TPM1: variants seen among roughly 807,000 people sequenced by gnomAD.
TPM1 encodes tropomyosin alpha-1 chain.
Under a neutral mutation model 42.9 loss-of-function variants are expected in TPM1, and 24 were observed. The observed-to-expected ratio is 0.56, with a 90% CI of 0.41 to 0.79. The LOEUF (loss-of-function observed/expected upper bound fraction) is 0.79. Among genes scored for constraint, TPM1 ranks in the 30% least tolerant of loss-of-function variants. The pLI, the probability that TPM1 is intolerant of heterozygous loss-of-function variation, is 0.00. For missense variants in TPM1, 158 were observed against 351.8 expected (o/e 0.45, Z 4.41); for synonymous variants, 136 against 130.1 (o/e 1.05, Z -0.31).
At position 63,057,103 on chromosome 15, in the gene TPM1, C is replaced by T; in HGVS notation, c.359C>T (p.Ala120Val). 6.2e-7 allele frequency: 1 copy of T among 1,614,144 alleles called. No homozygotes were observed. Among genetic ancestry groups the T allele is most frequent in the Non-Finnish European group, 8.5e-7 (1 of 1,180,012 alleles). The change falls in exon 3 of 10, where the codon GCA (alanine) becomes GTA (valine). Residue 120 changes from alanine to valine, a missense_variant. Physicochemically the swap from Ala to Val is moderately conservative, Grantham distance 64. Transcript: ENST00000403994. Reference sequence around the variant, plus strand: ...AAGCTGGAGGAAGCTGAGAAGGCAGCAGATGAGAGTGAGAGGTGAGAATGC... The same window carrying T: ...AAGCTGGAGGAAGCTGAGAAGGCAGTAGATGAGAGTGAGAGGTGAGAATGC... Reference protein sequence around the residue: ...LQKLEEAEKAADESERGMKVI... With the variant: ...LQKLEEAEKAVDESERGMKVI...
chr15:63,070,117 G>A, downstream of TPM1: 1 of 1,484,488 alleles, frequency 6.7e-7, no homozygotes, highest in Non-Finnish European at 8.9e-7. Flanking sequence ...CTATATGGCT[G>A]GAATAATTAC....
intron 1 of TPM1, 141 bp from the exon 2 acceptor site, chr15:63,043,886 C>G: frequency 1.3e-6 from 2 of 1,550,790 alleles, no homozygotes; most frequent in Non-Finnish European, 1.7e-6. Flanking sequence ...CTTTCTCTTT[C>G]TCTCTCTCCC....
intron 2 of TPM1, among the ~76,000 whole-genome samples, chr15:63,050,891 C>T (rs2033719915): frequency 6.6e-6 from 1 of 152,208 alleles, no homozygotes; most frequent in Admixed American, 6.5e-5. Flanking sequence ...CCATGAGCCA[C>T]TGCAAAAAAT....
downstream of TPM1, among the ~76,000 whole-genome samples, chr15:63,067,119 T>A (rs2036323917): frequency 6.6e-6 from 1 of 152,164 alleles, no homozygotes; most frequent in Admixed American, 6.5e-5. Flanking sequence ...TTTTTTAACA[T>A]GGATGATCTG....
At chr15:63,050,095 A>C (rs889359297) in intron 2 of TPM1, among the ~76,000 whole-genome samples, 1 of 152,204 alleles carries the variant, frequency 6.6e-6, no homozygotes, top group African/African-American at 2.4e-5. Flanking sequence ...CTGTCGGTTA[A>C]AGGAGTTACT....
At chr15:63,048,361 C>G (rs1372892648) in intron 2 of TPM1, 9 of 1,283,242 alleles carry the variant, frequency 7.0e-6, no homozygotes, top group African/African-American at 4.8e-5. Context: ...CGCGCCCCTC[C>G]CAGCCGCGCG....
chr15:63,053,672 G>C (rs1431034492), intron 2 of TPM1, among the ~76,000 whole-genome samples: 1 of 110,196 alleles, frequency 9.1e-6, no homozygotes, highest in African/African-American at 3.5e-5. Flanking sequence ...CTGGAAGTTT[G>C]ATTTTTTTTT....
chr15:63,056,869 A>C lies in TPM1; in HGVS notation c.241-116A>C, dbSNP rs1020968473. ...GAGGGCTTGTAATGCACTTAAAGGT[A>C]GCTCACCACAAGACAGTCTTCCTAT... On this transcript the variant is annotated intron_variant, in intron 2 of 9. Coordinates refer to ENST00000403994, the MANE Select transcript of TPM1 (RefSeq NM_001018005.2). 5.7e-6 allele frequency: 8 copies of C among 1,392,956 alleles called. No individual in the cohort carries two copies. The African/African-American group carries it at 8.5e-5, about 15-fold the overall frequency. The allele number at this position is 1,392,956 out of a possible 1,614,324, so 86.3% of individuals were successfully genotyped here.
chr15:63,068,625 G>A (rs772201896), downstream of TPM1, among the ~76,000 whole-genome samples: 5 of 152,112 alleles, frequency 3.3e-5, no homozygotes, highest in Non-Finnish European at 7.4e-5. Flanking sequence ...CAAAGCCACC[G>A]TGCATCCTCC....
rs766724527 is a variant in TPM1, at chr15:63,065,891, C to T, written c.852-5C>T. ...TTTTCCTCCCACCTTTTTATCTTCA[C>T]GCAGATAAGTTTCTTTGCTTCACTT... On this transcript the variant is annotated splice_polypyrimidine_tract_variant and splice_region_variant and intron_variant, in intron 9 of 9. Coordinates refer to ENST00000403994, the MANE Select transcript of TPM1 (RefSeq NM_001018005.2). 1.0e-5 allele frequency: 16 copies of T among 1,605,728 alleles called. No homozygotes were observed. The highest frequency in any genetic ancestry group is 4.4e-5 in the South Asian group (4 of 90,422).
chr15:63,057,211 C>T, intron 3 of TPM1, 93 bp downstream of exon 3: 2 of 1,557,528 alleles, frequency 1.3e-6, no homozygotes, highest in African/African-American at 1.4e-5. Flanking sequence ...AAGAATTTTT[C>T]AGTCCCCTGG....
chr15:63,057,526 T>C (rs1418130830), intron 3 of TPM1, among the ~76,000 whole-genome samples: 1 of 152,220 alleles, frequency 6.6e-6, no homozygotes, highest in Non-Finnish European at 1.5e-5. Context: ...ATAAAGGAAC[T>C]GTGGACTATC....
chr15:63,059,618 C>T lies in TPM1; in HGVS notation c.430C>T (p.Gln144Ter), dbSNP rs1206044252. 6.2e-7 allele frequency: 1 copy of T among 1,612,174 alleles called. No homozygotes were observed. Among genetic ancestry groups the T allele is most frequent in the African/African-American group, 1.3e-5 (1 of 74,820 alleles). Residue 144 changes from glutamine (Q) to a stop codon, truncating the protein, a stop_gained, in exon 4 of 10, where the codon CAG becomes TAG. Coordinates refer to ENST00000403994, the MANE Select transcript of TPM1 (RefSeq NM_001018005.2). LOFTEE classifies it high-confidence loss of function. ...AAAAGATGAAGAAAAAATGGAAATT[C>T]AGGAGATCCAACTGAAAGAGGCCAA... ...AQKDEEKMEI[Q>*]EIQLKEAKHI...
At chr15:63,043,430 G>A (rs564308810) in intron 1 of TPM1, 1 of 650,042 alleles carries the variant, frequency 1.5e-6, no homozygotes, top group South Asian at 1.5e-5. Context: ...CAGCCCGAAA[G>A]CCAGGCCAGC....
chr15:63,069,983 G>C (rs1457816379), downstream of TPM1: 13 of 1,613,352 alleles, frequency 8.1e-6, no homozygotes, highest in Non-Finnish European at 1.0e-5. Flanking sequence ...TCTAGGCGTG[G>C]AGCCCATGTG....
In TPM1 at chr15:63,062,287, G is replaced by C. The variant is rs1386461337; in HGVS notation, c.702+10G>C. 6.2e-7 allele frequency: 1 copy of C among 1,613,610 alleles called. No homozygotes were observed. The highest frequency in any genetic ancestry group is 1.3e-5 in the African/African-American group (1 of 74,932). ...CGACAAGCTGAAGGAGGTAATATGA[G>C]AGTTGTGGATGAAGCCAACTGGATT... On this transcript the variant is annotated intron_variant, in intron 7 of 9. Coordinates refer to ENST00000403994, the MANE Select transcript of TPM1 (RefSeq NM_001018005.2).
intron 9 of TPM1, chr15:63,064,567 C>A (rs1272466975): frequency 1.9e-6 from 2 of 1,049,398 alleles, no homozygotes; most frequent in East Asian, 1.7e-4. Context: ...TTTGAAGGAA[C>A]CCTTAAAGTG....
exon 9 of TPM1, chr15:63,071,600 A>G (rs1166426470): frequency 4.4e-6 from 1 of 226,116 alleles, no homozygotes; most frequent in Admixed American, 5.2e-5. Context: ...ACTCTGTCCA[A>G]CACTAATTTA....
downstream of TPM1, among the ~76,000 whole-genome samples, chr15:63,068,721 GT>G (rs34359816): frequency 5.0e-3 from 762 of 152,260 alleles, 1 homozygote; most frequent in Non-Finnish European, 8.7e-3. Flanking sequence ...TCCTGCACTT[GT>G]TTTCCCCCGT....
Sources: gnomAD v4.1 joint callset for allele counts (sites outside exome capture counted in the v4.1 genomes callset) on GRCh38, gnomAD v4.1.1 for gene constraint, MANE v1.5 for transcripts, NCBI Gene and HGNC (gene_info 2026-07-23, HGNC 2026-07-21) for gene names.